Variants in ZBTB20 observed in about 807,000 individuals in gnomAD.
The protein encoded by ZBTB20 is zinc finger and BTB domain-containing protein 20.
In ZBTB20, 9 loss-of-function variants were observed where a neutral mutation model predicts 56.9. The ratio of observed to expected loss-of-function variants is 0.16; its 90% confidence interval spans 0.10 to 0.28. The LOEUF is 0.28. ZBTB20 is among the 10% of genes least tolerant of loss of function. ZBTB20 has a pLI of 1.00. For missense variants in ZBTB20, 655 were observed against 1,003.0 expected (o/e 0.65, Z 4.69); for synonymous variants, 417 against 420.7 (o/e 0.99, Z 0.11).
intron 10 of ZBTB20, among the ~76,000 whole-genome samples, chr3:114,370,688 G>A (rs2082899387): frequency 6.6e-6 from 1 of 151,910 alleles, no homozygotes; most frequent in Non-Finnish European, 1.5e-5. Flanking sequence ...GGCTTATAGT[G>A]CTCTTGGCCA....
Position 114,879,257 on chromosome 3 carries a change from C to T in ZBTB20, c.-417+21047G>A, listed in dbSNP as rs1213451515. Among the ~76,000 whole-genome samples the T allele has an allele frequency of 3.9e-5, 6 of 152,162 alleles. No individual in the cohort carries two copies. In the East Asian group the frequency reaches 5.8e-4, roughly 15 times the overall value. On this transcript the variant is annotated intron_variant, in intron 4 of 11. Coordinates refer to ENST00000675478, the MANE Select transcript of ZBTB20 (RefSeq NM_001348800.3). ...ACAATCTCAACTAGCGATCTTGAAGCATGTCTGATTTTCCACCTGGTGAGA... is the reference window on the plus strand; with the variant it reads ...ACAATCTCAACTAGCGATCTTGAAGTATGTCTGATTTTCCACCTGGTGAGA...
At chr3:114,867,539 G>T (rs921091571) in intron 4 of ZBTB20, among the ~76,000 whole-genome samples, 3 of 152,086 alleles carry the variant, frequency 2.0e-5, no homozygotes, top group Non-Finnish European at 4.4e-5. Context: ...AGATTCCAGC[G>T]ATTCTCATGA....
chr3:114,844,372 T>TA lies in ZBTB20; in HGVS notation c.-416-43199_-416-43198insT, dbSNP rs61231122. Reference sequence around the variant, plus strand: ...ATATATATATATATATATATATATATTAGCTGAGAGTGGTGGTGCATACCT... The same window carrying TA: ...ATATATATATATATATATATATATATATAGCTGAGAGTGGTGGTGCATACCT... On this transcript the variant is annotated intron_variant, in intron 4 of 11. Coordinates refer to ENST00000675478, the MANE Select transcript of ZBTB20 (RefSeq NM_001348800.3). Among the ~76,000 whole-genome samples the TA allele has an allele frequency of 1.9e-3, 227 of 118,664 alleles. 1 individual carries two copies. The highest frequency in any genetic ancestry group is 3.1e-3 in the Non-Finnish European group (179 of 58,106). The allele number at this position is 118,664 out of a possible 152,430, so 77.8% of individuals were successfully genotyped here.
chr3:114,460,308 A>G (rs1278644843), intron 7 of ZBTB20, among the ~76,000 whole-genome samples: 1 of 152,144 alleles, frequency 6.6e-6, no homozygotes, highest in Non-Finnish European at 1.5e-5. Flanking sequence ...CCCAAAAGAT[A>G]TCCATGTCCT....
chr3:114,895,780 C>A (rs1398600767), intron 4 of ZBTB20, among the ~76,000 whole-genome samples: 1 of 151,972 alleles, frequency 6.6e-6, no homozygotes, highest in Non-Finnish European at 1.5e-5. Context: ...ATTTTGTATA[C>A]CTAATTTACT....
intron 1 of ZBTB20, among the ~76,000 whole-genome samples, chr3:115,080,386 C>G (rs1297841021): frequency 3.3e-5 from 5 of 152,138 alleles, no homozygotes; most frequent in African/African-American, 1.2e-4. Flanking sequence ...TCAAATCCAC[C>G]TTGGGCTACC....
intron 2 of ZBTB20, among the ~76,000 whole-genome samples, chr3:115,047,213 T>C (rs1208495551): frequency 6.6e-6 from 1 of 152,240 alleles, no homozygotes; most frequent in East Asian, 1.9e-4. Flanking sequence ...TTTGTAGTTT[T>C]GATCTTTTCA....
intron 6 of ZBTB20, among the ~76,000 whole-genome samples, chr3:114,605,870 C>A (rs2057106899): frequency 6.6e-6 from 1 of 152,070 alleles, no homozygotes; most frequent in Non-Finnish European, 1.5e-5. Flanking sequence ...ATGATCCATT[C>A]ATGAACTGCA....
intron 4 of ZBTB20, among the ~76,000 whole-genome samples, chr3:114,866,358 TC>T (rs151056904): frequency 0.024 from 3,641 of 152,274 alleles, 51 homozygotes; most frequent in South Asian, 0.051. Context: ...GCAATCTCAC[TC>T]TAGACACCTT....
chr3:114,410,810 T>C (rs544856997), intron 7 of ZBTB20, among the ~76,000 whole-genome samples: 7 of 152,152 alleles, frequency 4.6e-5, no homozygotes, highest in African/African-American at 7.2e-5. Context: ...GGTGGCAGAT[T>C]TGAGGTCCGG....
At chr3:114,517,616 GC>G (rs2046159140) in intron 6 of ZBTB20, among the ~76,000 whole-genome samples, 1 of 148,980 alleles carries the variant, frequency 6.7e-6, no homozygotes, top group South Asian at 2.1e-4. Flanking sequence ...TCTCTCTGTT[GC>G]CCAGGCTGAA....
chr3:114,982,357 G>T (rs372537476), intron 2 of ZBTB20, among the ~76,000 whole-genome samples: 9 of 151,854 alleles, frequency 5.9e-5, no homozygotes, highest in African/African-American at 2.2e-4. Flanking sequence ...CTTAATGAGG[G>T]CCAGCAAGGG....
intron 4 of ZBTB20, among the ~76,000 whole-genome samples, chr3:114,835,148 GT>G: frequency 6.6e-6 from 1 of 152,244 alleles, no homozygotes; most frequent in South Asian, 2.1e-4. Flanking sequence ...CTTGCTAAAG[GT>G]TTCAGGAGGG....
intron 6 of ZBTB20, among the ~76,000 whole-genome samples, chr3:114,658,117 A>G (rs975752863): frequency 6.6e-6 from 1 of 152,214 alleles, no homozygotes; most frequent in African/African-American, 2.4e-5. Context: ...CTCAGTCGCT[A>G]AATATGGCCA....
intron 3 of ZBTB20, among the ~76,000 whole-genome samples, chr3:114,941,357 C>G (rs549464606): frequency 6.8e-6 from 1 of 146,268 alleles, no homozygotes; most frequent in Non-Finnish European, 1.5e-5. Flanking sequence ...AAGAGACTGA[C>G]CCAACAATAA....
Position 114,320,677 on chromosome 3 carries a change from T to C in ZBTB20, c.*18328A>G, listed in dbSNP as rs1360294812. ...TAAAATGAACAAATTTGTTTTTATA[T>C]TTTTGGTCTACAGTAGAATTACATA... On this transcript the variant is annotated 3_prime_UTR_variant, in exon 12 of 12. Transcript: ENST00000675478. The C allele has an allele frequency of 6.6e-6, 1 of 152,168 alleles. No individual in the cohort carries two copies. Among genetic ancestry groups the C allele is most frequent in the Non-Finnish European group, 1.5e-5 (1 of 68,026 alleles). The allele number at this position is 152,168 out of a possible 1,614,324, so 9.4% of individuals were successfully genotyped here. A position where few individuals can be genotyped will look rare whatever the true frequency, so the allele number is the denominator to read the frequency against.
intron 6 of ZBTB20, among the ~76,000 whole-genome samples, chr3:114,542,199 C>A (rs926020263): frequency 2.0e-5 from 3 of 152,046 alleles, no homozygotes; most frequent in African/African-American, 7.2e-5. Flanking sequence ...ACTCTGAAGG[C>A]AGGTGAGTTA....
intron 7 of ZBTB20, among the ~76,000 whole-genome samples, chr3:114,468,025 T>C (rs2092618995): frequency 1.3e-5 from 2 of 152,192 alleles, no homozygotes; most frequent in South Asian, 4.1e-4. Context: ...GTCATGTTAT[T>C]AAGTGCAATG....
intron 3 of ZBTB20, among the ~76,000 whole-genome samples, chr3:114,950,855 A>T (rs2077042350): frequency 6.6e-6 from 1 of 152,192 alleles, no homozygotes; most frequent in Non-Finnish European, 1.5e-5. Flanking sequence ...GCAATAAAAT[A>T]GTTTTAAAAT....
Sources: allele counts gnomAD v4.1 joint callset (sites outside exome capture counted in the v4.1 genomes callset), GRCh38; gene constraint gnomAD v4.1.1; transcripts MANE v1.5; gene names NCBI Gene and HGNC (gene_info 2026-07-23, HGNC 2026-07-21).